MGAT4C: variants seen among roughly 807,000 people sequenced by gnomAD.
MGAT4C encodes MGAT4 family member C.
In MGAT4C, 19 loss-of-function variants were observed where a neutral mutation model predicts 40.1. That is an observed-to-expected ratio of 0.47 (90% confidence interval 0.33 to 0.70). MGAT4C has a LOEUF of 0.70. Ranked by LOEUF, MGAT4C falls within the 30% of genes least tolerant of loss-of-function variation. The pLI, the probability that MGAT4C is intolerant of heterozygous loss-of-function variation, is 0.02. For synonymous variants in MGAT4C, 181 were observed against 187.1 expected, an observed-to-expected ratio of 0.97 and a Z score of 0.27; for missense variants, 491 against 563.2, an observed-to-expected ratio of 0.87 and a Z score of 1.30.
At chr12:86,429,138 C>A (rs950105221) in intron 3 of MGAT4C, among the ~76,000 whole-genome samples, 20 of 152,052 alleles carry the variant, frequency 1.3e-4, no homozygotes, top group African/African-American at 4.6e-4. Context: ...TGCTGTATCA[C>A]CTAGATTTGA....
At chr12:86,714,686 A>G (rs1950614306) in intron 2 of MGAT4C, among the ~76,000 whole-genome samples, 1 of 151,854 alleles carries the variant, frequency 6.6e-6, no homozygotes. Context: ...CTTTTTCTTT[A>G]TAAATTACCC....
intron 2 of MGAT4C, among the ~76,000 whole-genome samples, chr12:86,535,776 T>TG (rs1959057900): frequency 1.3e-5 from 2 of 152,102 alleles, no homozygotes; most frequent in African/African-American, 4.8e-5. Flanking sequence ...ATTTGGAGTT[T>TG]GGGATTATCA....
chr12:86,291,892 G>A (rs553379766), intron 4 of MGAT4C, among the ~76,000 whole-genome samples: 30 of 152,270 alleles, frequency 2.0e-4, no homozygotes, highest in African/African-American at 7.2e-4. Flanking sequence ...TGGCCAAAGG[G>A]TAGACTATAA....
intron 2 of MGAT4C, among the ~76,000 whole-genome samples, chr12:86,047,216 A>G (rs1592774421): frequency 6.6e-6 from 1 of 152,132 alleles, no homozygotes; most frequent in Admixed American, 6.6e-5. Flanking sequence ...AAGATAAATC[A>G]CTATAATTTT....
At chr12:86,525,575 T>C (rs1413284331) in intron 2 of MGAT4C, among the ~76,000 whole-genome samples, 2 of 152,218 alleles carry the variant, frequency 1.3e-5, no homozygotes, top group African/African-American at 4.8e-5. Context: ...GGGCTTATGT[T>C]CTTTCAATCT....
At chr12:86,384,624 C>T (rs1956018309) in intron 3 of MGAT4C, among the ~76,000 whole-genome samples, 1 of 152,108 alleles carries the variant, frequency 6.6e-6, no homozygotes. Context: ...GGGAGAATAA[C>T]CTTTATTTGT....
chr12:86,025,193 A>T (rs1890140106), intron 2 of MGAT4C, among the ~76,000 whole-genome samples: 1 of 151,726 alleles, frequency 6.6e-6, no homozygotes, highest in South Asian at 2.1e-4. Context: ...CATGGTATAA[A>T]TTACTTATTG....
intron 2 of MGAT4C, among the ~76,000 whole-genome samples, chr12:86,617,119 A>T (rs1285230617): frequency 6.6e-6 from 1 of 152,226 alleles, no homozygotes; most frequent in Non-Finnish European, 1.5e-5. Context: ...CAGGTTGGTT[A>T]GTTCGCTAAA....
intron 1 of MGAT4C, among the ~76,000 whole-genome samples, chr12:86,823,354 A>T (rs1351197101): frequency 6.6e-6 from 1 of 151,210 alleles, no homozygotes; most frequent in African/African-American, 2.4e-5. Context: ...TTGAAAAAAT[A>T]AAGGAAACTG....
intron 2 of MGAT4C, among the ~76,000 whole-genome samples, chr12:86,654,416 G>A (rs901220148): frequency 6.6e-6 from 1 of 151,492 alleles, no homozygotes; most frequent in African/African-American, 2.4e-5. Context: ...GATATAAAAG[G>A]CATTAATATA....
At chr12:86,808,501 T>A (rs919047957) in intron 1 of MGAT4C, among the ~76,000 whole-genome samples, 5 of 151,978 alleles carry the variant, frequency 3.3e-5, no homozygotes, top group African/African-American at 1.2e-4. Context: ...ATGTAATTCA[T>A]CACATAAACA....
chr12:86,181,943 T>G (rs955284665), intron 1 of MGAT4C, among the ~76,000 whole-genome samples: 1 of 152,080 alleles, frequency 6.6e-6, no homozygotes, highest in Non-Finnish European at 1.5e-5. Flanking sequence ...TTGAGTTAGA[T>G]CATTTCCTCT....
chr12:86,645,130 T>C (rs1963503278), intron 2 of MGAT4C, among the ~76,000 whole-genome samples: 1 of 151,588 alleles, frequency 6.6e-6, no homozygotes, highest in African/African-American at 2.4e-5. Flanking sequence ...AAATAGTCTG[T>C]GTTCATAGCT....
At chr12:86,609,478 C>A (rs948074819) in intron 2 of MGAT4C, among the ~76,000 whole-genome samples, 2 of 151,982 alleles carry the variant, frequency 1.3e-5, no homozygotes, top group African/African-American at 4.8e-5. Flanking sequence ...AAAAAGACTA[C>A]TGATAAACAA....
At chr12:86,154,848 T>C (rs1434007255) in intron 1 of MGAT4C, among the ~76,000 whole-genome samples, 1 of 152,202 alleles carries the variant, frequency 6.6e-6, no homozygotes. Context: ...CCTGATCCTG[T>C]TCCAGATACT....
chr12:86,591,888 C>T (rs986524352), intron 2 of MGAT4C, among the ~76,000 whole-genome samples: 181 of 151,810 alleles, frequency 1.2e-3, no homozygotes, highest in African/African-American at 4.0e-3. Context: ...TACCTTTTTA[C>T]CTGTTTAGAT....
At chr12:86,697,417 A>C (rs896065579) in intron 2 of MGAT4C, among the ~76,000 whole-genome samples, 1 of 151,984 alleles carries the variant, frequency 6.6e-6, no homozygotes, top group Non-Finnish European at 1.5e-5. Flanking sequence ...TCTAAGTCTA[A>C]ATTTCTCATT....
intron 2 of MGAT4C, among the ~76,000 whole-genome samples, chr12:86,045,994 A>G (rs1028449841): frequency 1.3e-5 from 2 of 152,210 alleles, no homozygotes; most frequent in African/African-American, 4.8e-5. Flanking sequence ...GAACACTTGC[A>G]GTGTAGAGCC....
chr12:86,422,891 T>C (rs1368800734), intron 3 of MGAT4C, among the ~76,000 whole-genome samples: 2 of 152,184 alleles, frequency 1.3e-5, no homozygotes, highest in Non-Finnish European at 2.9e-5. Flanking sequence ...ATCTGATATG[T>C]CATAGTCAAC....
Sources: allele counts gnomAD v4.1 joint callset (sites outside exome capture counted in the v4.1 genomes callset), GRCh38; gene constraint gnomAD v4.1.1; transcripts MANE v1.5; gene names NCBI Gene and HGNC (gene_info 2026-07-23, HGNC 2026-07-21).